MEGF10: variants seen among roughly 807,000 people sequenced by gnomAD.
The protein encoded by MEGF10 is multiple epidermal growth factor-like domains protein 10.
A neutral mutation model predicts 147.5 loss-of-function variants in MEGF10; 86 were observed. The ratio of observed to expected loss-of-function variants is 0.58; its 90% confidence interval spans 0.49 to 0.70. The LOEUF is 0.70. Among genes scored for constraint, MEGF10 ranks in the 30% least tolerant of loss-of-function variants. The probability of loss-of-function intolerance (pLI) is 0.00; values close to 1 mark genes in which losing one functional copy is unlikely to be tolerated. For missense variants in MEGF10, 1,329 were observed against 1,487.3 expected, an observed-to-expected ratio of 0.89 and a Z score of 1.75; for synonymous variants, 478 against 525.5, an observed-to-expected ratio of 0.91 and a Z score of 1.24.
intron 13 of MEGF10, among the ~76,000 whole-genome samples, chr5:127,427,928 C>T (rs1317088815): frequency 6.6e-6 from 1 of 152,094 alleles, no homozygotes; most frequent in South Asian, 2.1e-4. Context: ...AGTGTGTCTG[C>T]AGGTTCATAT....
intron 16 of MEGF10, 134 bp from the exon 17 acceptor site, chr5:127,438,305 C>A: frequency 1.1e-6 from 1 of 919,290 alleles, no homozygotes; most frequent in Non-Finnish European, 1.6e-6. Context: ...GAATTCAGAG[C>A]AGTGTGCTTT....
intron 1 of MEGF10, among the ~76,000 whole-genome samples, chr5:127,317,326 T>G (rs1310523421): frequency 6.6e-6 from 1 of 152,228 alleles, no homozygotes; most frequent in Admixed American, 6.5e-5. Context: ...TTAGTTTAAT[T>G]AGATCCCATT....
the MEGF10 span, among the ~76,000 whole-genome samples, chr5:127,259,818 ACTTAT>A: frequency 3.3e-5 from 5 of 152,200 alleles, 1 homozygote; most frequent in African/African-American, 1.2e-4. Flanking sequence ...ATAACAAGAA[ACTTAT>A]CTTAAACTAC....
At chr5:127,285,456 T>C in the MEGF10 span, among the ~76,000 whole-genome samples, 1 of 152,274 alleles carries the variant, frequency 6.6e-6, no homozygotes, top group South Asian at 2.1e-4. Flanking sequence ...AAATTCTATG[T>C]TAACAGAGTG....
the MEGF10 span, among the ~76,000 whole-genome samples, chr5:127,279,591 C>T: frequency 6.6e-6 from 1 of 152,194 alleles, no homozygotes; most frequent in African/African-American, 2.4e-5. Context: ...GTTCCTCCCA[C>T]CGCAGAAAAC....
intron 22 of MEGF10, among the ~76,000 whole-genome samples, chr5:127,450,666 G>A (rs1766120842): frequency 6.6e-6 from 1 of 152,116 alleles, no homozygotes; most frequent in Non-Finnish European, 1.5e-5. Context: ...TACATGGGAT[G>A]TACACTAAAG....
chr5:127,251,858 C>T, the MEGF10 span, among the ~76,000 whole-genome samples: 2 of 151,902 alleles, frequency 1.3e-5, no homozygotes, highest in Non-Finnish European at 2.9e-5. Context: ...TAATAGACAA[C>T]CTTCAGCCTG....
At chr5:127,351,226 A>T (rs766995134) in intron 4 of MEGF10, among the ~76,000 whole-genome samples, 1 of 152,170 alleles carries the variant, frequency 6.6e-6, no homozygotes, top group Non-Finnish European at 1.5e-5. Flanking sequence ...CTGTGTAAAA[A>T]ACTGGAAAAC....
chr5:127,398,749 G>A lies in MEGF10; in HGVS notation c.733G>A (p.Val245Met), dbSNP rs755790851. The A allele has an allele frequency of 1.9e-5, 31 of 1,613,862 alleles. No homozygotes were observed. The highest frequency in any genetic ancestry group is 2.5e-5 in the Non-Finnish European group (29 of 1,179,902). ...GAGATGCCCTTGTCAAAATGGAGGAGTGTGTCATCACGTCACTGGAGAATG... is the reference window on the plus strand; with the variant it reads ...GAGATGCCCTTGTCAAAATGGAGGAATGTGTCATCACGTCACTGGAGAATG... ...EQRCPCQNGG[V>M]CHHVTGECSC... Residue 245 changes from valine (V) to methionine (M), a missense_variant, in exon 7 of 25, where the codon GTG becomes ATG. Transcript: ENST00000503335.
chr5:127,295,616 A>G (rs1759462121), intron 1 of MEGF10, among the ~76,000 whole-genome samples: 1 of 152,338 alleles, frequency 6.6e-6, no homozygotes, highest in South Asian at 2.1e-4. Context: ...CTATTGGCTT[A>G]GGGCAGCTGC....
At chr5:127,235,509 C>A in the MEGF10 span, among the ~76,000 whole-genome samples, 1 of 152,224 alleles carries the variant, frequency 6.6e-6, no homozygotes, top group African/African-American at 2.4e-5. Context: ...TTGTTTTTAG[C>A]TATTTGTTGC....
At chr5:127,386,854 A>T (rs1240394201) in intron 5 of MEGF10, among the ~76,000 whole-genome samples, 1 of 152,220 alleles carries the variant, frequency 6.6e-6, no homozygotes, top group Non-Finnish European at 1.5e-5. Context: ...AAATCAGGGA[A>T]TTTCTGCTGT....
At position 127,300,828 on chromosome 5, in the gene MEGF10, T is replaced by C. The variant is rs117145406; in HGVS notation, c.-19+9772T>C. ...ATGCATTAGCACCATCATAGGTGAT[T>C]GCTTTACTTCTCTAGGCAGCAACTC... is the stretch of plus-strand genomic sequence containing the variant. On this transcript the variant is annotated intron_variant, in intron 1 of 24. Transcript: ENST00000503335. Among the ~76,000 whole-genome samples, 24 of 152,318 alleles carry C rather than the reference T, an allele frequency of 1.6e-4. No individual in the cohort carries two copies. In the East Asian group the frequency reaches 1.9e-3, roughly 12 times the overall value.
At chr5:127,419,515 C>T (rs146153435) in intron 11 of MEGF10, among the ~76,000 whole-genome samples, 20 of 152,214 alleles carry the variant, frequency 1.3e-4, no homozygotes, top group African/African-American at 3.4e-4. Flanking sequence ...TGTTCATGCC[C>T]CTAAATTGAC....
the MEGF10 span, among the ~76,000 whole-genome samples, chr5:127,275,146 C>T: frequency 6.6e-6 from 1 of 152,288 alleles, no homozygotes; most frequent in African/African-American, 2.4e-5. Context: ...ACAGTACTAA[C>T]ATATCTGTTA....
chr5:127,259,955 G>A, the MEGF10 span, among the ~76,000 whole-genome samples: 3 of 151,946 alleles, frequency 2.0e-5, no homozygotes, highest in African/African-American at 2.4e-5. Context: ...TCAGGAGTTC[G>A]AGACCAGCCT....
chr5:127,400,272 G>A (rs1471369087), intron 7 of MEGF10, among the ~76,000 whole-genome samples: 2 of 152,090 alleles, frequency 1.3e-5, no homozygotes, highest in Non-Finnish European at 2.9e-5. Flanking sequence ...TAGAGAGAGA[G>A]GAGAACTTTG....
At chr5:127,333,502 C>T (rs947205459) in intron 2 of MEGF10, among the ~76,000 whole-genome samples, 16 of 141,450 alleles carry the variant, frequency 1.1e-4, no homozygotes, top group Non-Finnish European at 2.3e-4. Context: ...ACAGAGCGGA[C>T]CCTGCCTCAA....
rs115232189 is a variant in MEGF10 at position 127,321,568 on chromosome 5, T to A, written c.-18-9723T>A. 9.2e-3 allele frequency among the ~76,000 whole-genome samples: 1,407 copies of A among 152,258 alleles called. 22 individuals carry two copies. Among genetic ancestry groups the A allele is most frequent in the African/African-American group, 0.033 (1,353 of 41,568 alleles). ...TCCTCATAAGGTCTTTGTTCCTCTATGGGGTTTTCTTTTGACCTTTGAGGA... is the reference window on the plus strand; with the variant it reads ...TCCTCATAAGGTCTTTGTTCCTCTAAGGGGTTTTCTTTTGACCTTTGAGGA... On this transcript the variant is annotated intron_variant, in intron 1 of 24. Coordinates refer to ENST00000503335, the MANE Select transcript of MEGF10 (RefSeq NM_001256545.2).
Sources: gnomAD v4.1 joint callset for allele counts (sites outside exome capture counted in the v4.1 genomes callset) on GRCh38, gnomAD v4.1.1 for gene constraint, MANE v1.5 for transcripts, NCBI Gene and HGNC (gene_info 2026-07-23, HGNC 2026-07-21) for gene names.